The following BCAS3 variants were observed in gnomAD, a reference collection of about 807,000 sequenced individuals.
The protein encoded by BCAS3 is BCAS3 microtubule associated cell migration factor.
BCAS3 carries 53 observed loss-of-function variants against 116.1 expected under a neutral mutation model. The ratio of observed to expected loss-of-function variants is 0.46; its 90% CI spans 0.37 to 0.57. The LOEUF (loss-of-function observed/expected upper bound fraction) is 0.57, where lower values mean the gene tolerates loss of function less well. BCAS3 is among the 20% of genes least tolerant of loss of function. The pLI, the probability that BCAS3 is intolerant of heterozygous loss-of-function variation, is 0.00. For missense variants in BCAS3, 917 were observed against 1,165.4 expected, an observed-to-expected ratio of 0.79 and a Z score of 3.10; for synonymous variants, 391 against 408.2, an observed-to-expected ratio of 0.96 and a Z score of 0.51.
chr17:61,051,079 G>A lies in BCAS3; in HGVS notation c.2029+10187G>A, dbSNP rs1206242322. ...TAAGAAATTATTTTTGACTGAATGA[G>A]ATTGAAATCAGATATACCCATATCT... On this transcript the variant is annotated intron_variant, in intron 19 of 23. Transcript: ENST00000407086. The surrounding 1 kb of genome is among the most constrained non-coding windows in gnomAD (Gnocchi z 4.1). Among the ~76,000 whole-genome samples, 1 of 151,994 alleles carries A rather than the reference G, an allele frequency of 6.6e-6. No homozygotes were observed. The highest frequency in any genetic ancestry group is 2.4e-5 in the African/African-American group (1 of 41,422).
At chr17:60,957,831 A>G (rs940240259) in intron 14 of BCAS3, among the ~76,000 whole-genome samples, 4 of 152,246 alleles carry the variant, frequency 2.6e-5, no homozygotes, top group Admixed American at 6.5e-5. Context: ...TAACAGAAAT[A>G]CTATATGTAA....
In BCAS3 at chr17:61,063,820, A is replaced by T. The variant is rs72844906; in HGVS notation, c.2030-11100A>T. 0.069 allele frequency among the ~76,000 whole-genome samples: 10,529 copies of T among 152,120 alleles called. 534 individuals are homozygous for T. The highest frequency in any genetic ancestry group is 0.1 in the Non-Finnish European group (7,122 of 67,986). ...TTCAATTAAGGCACAAAGAAGATGAATTTTTTTCCTATCAAATTGATATGG... is the reference window on the plus strand; with the variant it reads ...TTCAATTAAGGCACAAAGAAGATGATTTTTTTTCCTATCAAATTGATATGG... On this transcript the variant is annotated intron_variant, in intron 19 of 23. Coordinates refer to ENST00000407086, the MANE Select transcript of BCAS3 (RefSeq NM_017679.5). The surrounding 1 kb of genome is among the most constrained non-coding windows in gnomAD (Gnocchi z 5.3).
At chr17:61,153,968 G>A (rs8067176) in intron 22 of BCAS3, among the ~76,000 whole-genome samples, 14,016 of 152,058 alleles carry the variant, frequency 0.092, 2,089 homozygotes, top group African/African-American at 0.32. Context: ...TCATTGTTTT[G>A]GTATCCTTTC....
At chr17:60,701,313 T>C (rs2036357458) in intron 4 of BCAS3, among the ~76,000 whole-genome samples, 1 of 152,178 alleles carries the variant, frequency 6.6e-6, no homozygotes, top group Admixed American at 6.6e-5. Context: ...GGAATGTTTA[T>C]TGCTTTATGA....
rs1299403402 is a variant in BCAS3 at position 60,802,295 on chromosome 17, A to AAAAAAATAT, written c.404-5708_404-5707insAAAAATATA. On this transcript the variant is annotated intron_variant, in intron 6 of 23. Coordinates refer to ENST00000407086, the MANE Select transcript of BCAS3 (RefSeq NM_017679.5). The stretch of plus-strand genomic sequence containing the variant: ...TGAGACTCTGTCTCAAAAAAAAAAA[A>AAAAAAATAT]ATATATATATATATATATATATGCA... Among the ~76,000 whole-genome samples the AAAAAAATAT allele has an allele frequency of 1.1e-3, 144 of 127,930 alleles. 1 individual carries two copies. Among genetic ancestry groups the AAAAAAATAT allele is most frequent in the African/African-American group, 5.0e-3 (137 of 27,518 alleles). 83.9% of individuals were successfully genotyped at this position (127,930 alleles called of 152,430 possible).
chr17:61,172,963 G>A (rs1164492423), intron 22 of BCAS3, among the ~76,000 whole-genome samples: 1 of 150,270 alleles, frequency 6.7e-6, no homozygotes, highest in African/African-American at 2.4e-5. Context: ...ACTCCAGCCT[G>A]GGCGACAGAG....
chr17:60,876,486 A>C (rs1460534317), intron 9 of BCAS3, among the ~76,000 whole-genome samples: 1 of 152,036 alleles, frequency 6.6e-6, no homozygotes, highest in Non-Finnish European at 1.5e-5. Context: ...CTCCTTCTAA[A>C]TCCCTTAAAG....
intron 9 of BCAS3, among the ~76,000 whole-genome samples, chr17:60,888,006 C>T (rs993326298): frequency 5.3e-5 from 8 of 152,134 alleles, no homozygotes; most frequent in Admixed American, 4.6e-4. Flanking sequence ...TATAGAGATT[C>T]ATGTCCCCCC....
At chr17:61,370,631 C>T (rs1486302419) in intron 23 of BCAS3, among the ~76,000 whole-genome samples, 1 of 152,236 alleles carries the variant, frequency 6.6e-6, no homozygotes, top group Non-Finnish European at 1.5e-5. Context: ...TCGTGATCCG[C>T]CTGCCTCGGC....
intron 7 of BCAS3, among the ~76,000 whole-genome samples, chr17:60,853,246 T>A (rs2053338096): frequency 2.0e-5 from 3 of 151,834 alleles, no homozygotes; most frequent in African/African-American, 4.8e-5. Flanking sequence ...TAAGTTGAAA[T>A]TTTTTTTTAA....
chr17:61,038,650 T>G (rs202132016), intron 18 of BCAS3, among the ~76,000 whole-genome samples: 2 of 142,682 alleles, frequency 1.4e-5, no homozygotes, highest in African/African-American at 6.0e-5. Context: ...TCCTTTTTTT[T>G]GTTTTGTTTT....
chr17:60,813,020 A>G (rs2048980054), intron 7 of BCAS3, among the ~76,000 whole-genome samples: 3 of 152,146 alleles, frequency 2.0e-5, no homozygotes, highest in African/African-American at 7.2e-5. Context: ...TGCAATTACA[A>G]GTATGAGCCA....
intron 22 of BCAS3, among the ~76,000 whole-genome samples, chr17:61,304,436 T>C (rs1692180161): frequency 6.6e-6 from 1 of 152,242 alleles, no homozygotes; most frequent in African/African-American, 2.4e-5. Flanking sequence ...CCAGATTTCT[T>C]GTAGTTACCC....
chr17:60,720,237 C>T (rs1273712780), intron 5 of BCAS3: 1 of 152,240 alleles, frequency 6.6e-6, no homozygotes, highest in Non-Finnish European at 1.5e-5. Context: ...AAGCGATTCC[C>T]TCACCTCAGC....
At chr17:61,005,779 T>A (rs964024925) in intron 15 of BCAS3, among the ~76,000 whole-genome samples, 41 of 149,606 alleles carry the variant, frequency 2.7e-4, no homozygotes, top group African/African-American at 9.4e-4. Flanking sequence ...TAGGAAAAAA[T>A]TTCTTTTTTT....
intron 5 of BCAS3, among the ~76,000 whole-genome samples, chr17:60,724,457 G>C (rs1352424197): frequency 6.6e-6 from 1 of 151,214 alleles, no homozygotes; most frequent in African/African-American, 2.4e-5. Flanking sequence ...GGATGCGGTG[G>C]CTCATGCCCG....
chr17:61,012,314 A>G lies in BCAS3; in HGVS notation c.1487-3437A>G, dbSNP rs565885672. Among the ~76,000 whole-genome samples, 1 of 152,214 alleles carries G rather than the reference A, an allele frequency of 6.6e-6. No homozygotes were observed. The highest frequency in any genetic ancestry group is 2.1e-4 in the South Asian group (1 of 4,832). ...ATTGAGTGGAACTTTTGCTTGGCGCAGTATGCATCTTTGTTAATGTCTTCT... is the reference window on the plus strand; with the variant it reads ...ATTGAGTGGAACTTTTGCTTGGCGCGGTATGCATCTTTGTTAATGTCTTCT... On this transcript the variant is annotated intron_variant, in intron 15 of 23. Coordinates refer to ENST00000407086, the MANE Select transcript of BCAS3 (RefSeq NM_017679.5). The surrounding 1 kb of genome is among the most constrained non-coding windows in gnomAD (Gnocchi z 4.5).
At chr17:61,002,851 A>G (rs928212000) in intron 15 of BCAS3, 15 of 152,174 alleles carry the variant, frequency 9.9e-5, no homozygotes, top group African/African-American at 3.4e-4. Context: ...TTGAGGCATT[A>G]TAAGGGCTAA....
chr17:60,936,901 TG>T (rs1180440570), intron 13 of BCAS3, among the ~76,000 whole-genome samples: 1 of 152,246 alleles, frequency 6.6e-6, no homozygotes, highest in Non-Finnish European at 1.5e-5. Context: ...TTGTTGCCAT[TG>T]CTTTTGGTGT....
Sources: allele counts gnomAD v4.1 joint callset (sites outside exome capture counted in the v4.1 genomes callset), GRCh38; gene constraint gnomAD v4.1.1; non-coding constraint Gnocchi (gnomAD v3.1); transcripts MANE v1.5; gene names NCBI Gene and HGNC (gene_info 2026-07-23, HGNC 2026-07-21).